KIF3A: variants seen among roughly 807,000 people sequenced by gnomAD.
KIF3A encodes kinesin family member 3A.
Under a neutral mutation model 92.6 loss-of-function variants are expected in KIF3A, and 27 were observed. The ratio of observed to expected loss-of-function variants is 0.29; its 90% confidence interval spans 0.21 to 0.40. KIF3A has a LOEUF of 0.40. Ranked by LOEUF, KIF3A falls within the 10% of genes least tolerant of loss-of-function variation. The pLI, the probability that KIF3A is intolerant of heterozygous loss-of-function variation, is 1.00. For missense variants in KIF3A, 581 were observed against 872.6 expected, an observed-to-expected ratio of 0.67 and a Z score of 4.21; for synonymous variants, 250 against 275.4, an observed-to-expected ratio of 0.91 and a Z score of 0.92.
Position 132,734,418 on chromosome 5 carries a change from G to A in KIF3A, c.67C>T (p.Pro23Ser), listed in dbSNP as rs1581104938. 3 of 1,614,038 alleles carry A rather than the reference G, an allele frequency of 1.9e-6. No homozygotes were observed. Among genetic ancestry groups the A allele is most frequent in the Middle Eastern group, 3.3e-4 (2 of 6,060 alleles). Residue 23 changes from proline to serine, a missense_variant, in exon 2 of 19, where the codon CCC becomes TCC. Transcript: ENST00000403231. ...ATTGATTTCTCTCTCTCATTGAGGG[G>A]CCGGCACCTAACAACAACCTTCACA... The part of the protein sequence containing the change: ...DNVKVVVRCR[P>S]LNEREKSMCY...
chr5:132,716,526 T>A, intron 6 of KIF3A, 84 bp from the exon 7 acceptor site: 1 of 1,190,854 alleles, frequency 8.4e-7, no homozygotes. Flanking sequence ...AAAAGTAATG[T>A]AACAGTAAAA....
intron 2 of KIF3A, among the ~76,000 whole-genome samples, chr5:132,730,528 T>G (rs1351892239): frequency 6.6e-6 from 1 of 151,242 alleles, no homozygotes; most frequent in Admixed American, 6.6e-5. Flanking sequence ...AGCTCATGTC[T>G]GTAATCCCAG....
intron 10 of KIF3A, 91 bp from the exon 11 acceptor site, chr5:132,706,550 G>A: frequency 3.8e-6 from 4 of 1,052,226 alleles, no homozygotes; most frequent in South Asian, 3.3e-5. Flanking sequence ...TTTCTCTTGT[G>A]AAACAAAGAA....
intron 4 of KIF3A, chr5:132,723,213 G>A (rs1377577243): frequency 6.6e-6 from 1 of 152,162 alleles, no homozygotes; most frequent in Non-Finnish European, 1.5e-5. Flanking sequence ...TCGTGAAAAT[G>A]GCCATACTGC....
intron 6 of KIF3A, 35 bp from the exon 7 acceptor site, chr5:132,716,477 T>A (rs755368215): frequency 1.7e-5 from 26 of 1,544,060 alleles, no homozygotes; most frequent in Non-Finnish European, 2.2e-5. Flanking sequence ...AAAGCTAAAA[T>A]TTTTTTAAAA....
At chr5:132,711,408 A>G (rs1191083971) in intron 8 of KIF3A, among the ~76,000 whole-genome samples, 2 of 152,074 alleles carry the variant, frequency 1.3e-5, no homozygotes, top group Non-Finnish European at 2.9e-5. Flanking sequence ...CCTGGCCAAC[A>G]TGGCAAAACC....
Position 132,702,682 on chromosome 5 carries a change from T to A in KIF3A, c.1648-14A>T, listed in dbSNP as rs772473388. On this transcript the variant is annotated splice_polypyrimidine_tract_variant and intron_variant, in intron 13 of 18. Transcript: ENST00000403231. ...CAAGCGTTCTTGCTATGACAAAAAT[T>A]AGTAAACTTCAGAATAAATTTCTTT... 6.5e-7 allele frequency: 1 copy of A among 1,534,132 alleles called. No homozygotes were observed. The highest frequency in any genetic ancestry group is 1.2e-5 in the South Asian group (1 of 85,732).
Position 132,734,190 on chromosome 5 carries a change from T to C in KIF3A, c.280+15A>G. The C allele has an allele frequency of 1.3e-6, 2 of 1,592,660 alleles. No homozygotes were observed. Among genetic ancestry groups the C allele is most frequent in the Non-Finnish European group, 1.7e-6 (2 of 1,169,358 alleles). Reference sequence around the variant, plus strand: ...CTCAATAAGGGAGTTTTTTAAAAAGTAAAGATTCACTTACCATTGTAGCCT... The same window carrying C: ...CTCAATAAGGGAGTTTTTTAAAAAGCAAAGATTCACTTACCATTGTAGCCT... On this transcript the variant is annotated intron_variant, in intron 2 of 18. Coordinates refer to ENST00000403231, the MANE Select transcript of KIF3A (RefSeq NM_001300791.2).
At chr5:132,710,803 GA>G (rs1190889699) in intron 9 of KIF3A, among the ~76,000 whole-genome samples, 155 bp downstream of exon 9, 1 of 152,148 alleles carries the variant, frequency 6.6e-6, no homozygotes, top group African/African-American at 2.4e-5. Context: ...CAATACAGGA[GA>G]AAAAATGCAA....
At chr5:132,731,340 G>T (rs1419347364) in intron 2 of KIF3A, among the ~76,000 whole-genome samples, 3 of 151,978 alleles carry the variant, frequency 2.0e-5, no homozygotes, top group African/African-American at 7.3e-5. Flanking sequence ...GGCAAAGCTA[G>T]TTTCACATTC....
At chr5:132,731,566 C>CAA (rs1754231898) in intron 2 of KIF3A, among the ~76,000 whole-genome samples, 4 of 152,234 alleles carry the variant, frequency 2.6e-5, no homozygotes, top group African/African-American at 9.6e-5. Flanking sequence ...ATGCATTTTC[C>CAA]CTAAGATCAG....
chr5:132,729,154 A>C (rs543875574), intron 2 of KIF3A, among the ~76,000 whole-genome samples: 1 of 152,230 alleles, frequency 6.6e-6, no homozygotes, highest in Non-Finnish European at 1.5e-5. Context: ...AGTGAGAGAT[A>C]AAAGACTACA....
At chr5:132,713,298 T>C (rs1215153497) in intron 8 of KIF3A, among the ~76,000 whole-genome samples, 1 of 152,146 alleles carries the variant, frequency 6.6e-6, no homozygotes, top group East Asian at 1.9e-4. Flanking sequence ...TTGAATAAAG[T>C]CCACAGATTA....
intron 2 of KIF3A, among the ~76,000 whole-genome samples, chr5:132,730,371 C>T (rs137870501): frequency 8.6e-5 from 13 of 151,554 alleles, no homozygotes; most frequent in Admixed American, 4.6e-4. Context: ...GTGGCTGAGG[C>T]GAGAGAATCG....
intron 2 of KIF3A, among the ~76,000 whole-genome samples, chr5:132,732,061 TA>T (rs1754251138): frequency 6.6e-6 from 1 of 151,846 alleles, no homozygotes; most frequent in South Asian, 2.1e-4. Flanking sequence ...ACCCAAAACA[TA>T]AAAAAACTAC....
chr5:132,723,438 G>A lies in KIF3A; in HGVS notation c.510+2690C>T, dbSNP rs951409963. On this transcript the variant is annotated intron_variant, in intron 4 of 18. Coordinates refer to ENST00000403231, the MANE Select transcript of KIF3A (RefSeq NM_001300791.2). The stretch of plus-strand genomic sequence containing the variant: ...CAGTAACCAAAACAGCATGGTACTG[G>A]TACCAAAACAGAGATATAGATCAAT... 4.6e-5 allele frequency: 7 copies of A among 152,272 alleles called. No individual in the cohort carries two copies. The East Asian group carries it at 7.7e-4, about 17-fold the overall frequency. The allele number at this position is 152,272 out of a possible 1,614,324, so 9.4% of individuals were successfully genotyped here. A position where few individuals can be genotyped will look rare whatever the true frequency, so the allele number is the denominator to read the frequency against.
At chr5:132,718,340 C>T (rs562754231) in intron 5 of KIF3A, among the ~76,000 whole-genome samples, 1 of 152,268 alleles carries the variant, frequency 6.6e-6, no homozygotes, top group South Asian at 2.1e-4. Context: ...GACAGGGTCT[C>T]CCTCTGTCAC....
At chr5:132,725,875 G>C (rs1754016466) in intron 4 of KIF3A, among the ~76,000 whole-genome samples, 1 of 151,946 alleles carries the variant, frequency 6.6e-6, no homozygotes, top group South Asian at 2.1e-4. Flanking sequence ...CCTTTTCCTT[G>C]CTGTATGTCT....
intron 2 of KIF3A, among the ~76,000 whole-genome samples, chr5:132,732,604 G>A (rs182389647): frequency 7.8e-4 from 119 of 151,996 alleles, no homozygotes; most frequent in African/African-American, 2.7e-3. Context: ...GTGAAACCCC[G>A]TCTCTACTAA....
Sources: allele counts gnomAD v4.1 joint callset (sites outside exome capture counted in the v4.1 genomes callset), GRCh38; gene constraint gnomAD v4.1.1; transcripts MANE v1.5; gene names NCBI Gene and HGNC (gene_info 2026-07-23, HGNC 2026-07-21).